AP1G2: variants seen among roughly 807,000 people sequenced by gnomAD.
AP1G2 encodes AP-1 complex subunit gamma-like 2.
In AP1G2, 85 loss-of-function variants were observed where a neutral mutation model predicts 95.8. The observed-to-expected ratio is 0.89, with a 90% CI of 0.74 to 1.06. The LOEUF (loss-of-function observed/expected upper bound fraction) is 1.06. Ranked by LOEUF, AP1G2 falls within the 50% of genes least tolerant of loss-of-function variation. AP1G2 has a pLI of 0.00. For synonymous variants in AP1G2, 378 were observed against 400.0 expected, an observed-to-expected ratio of 0.94 and a Z score of 0.66; for missense variants, 967 against 1,005.8, an observed-to-expected ratio of 0.96 and a Z score of 0.52.
rs1483446577 is a variant in AP1G2, at chr14:23,562,020, C to G, written c.1675G>C (p.Glu559Gln). 9.9e-6 allele frequency: 16 copies of G among 1,613,628 alleles called. No homozygotes were observed. Among genetic ancestry groups the G allele is most frequent in the Non-Finnish European group, 1.4e-5 (16 of 1,179,876 alleles). ...VSIYGSCLDVELQQRAVEYDT... is the reference protein window; with the variant it reads ...VSIYGSCLDVQLQQRAVEYDT... ...TACTCCACAGCCCGCTGCTGCAGCT[C>G]CACGTCCAAGCAGCTCCCGTAGATG... is the stretch of plus-strand genomic sequence containing the variant. Residue 559 changes from glutamate (E) to glutamine (Q), a missense_variant, in exon 17 of 22, where the codon GAG becomes CAG. By Grantham distance (29) the Glu-to-Gln change is conservative (BLOSUM62 2). Transcript: ENST00000397120.
intron 7 of AP1G2, 24 bp downstream of exon 7, chr14:23,565,582 T>C (rs776343712): frequency 6.3e-7 from 1 of 1,576,304 alleles, no homozygotes; most frequent in South Asian, 1.1e-5. Context: ...GATCCAGGGA[T>C]ACAGCAGTGA....
In AP1G2 at chr14:23,559,653, C is replaced by G; in HGVS notation, c.*96G>C. ...CAGTTTTTGCAGTGCAAAGCCAGAG[C>G]GCCACCTGCTGGTAGCCCTCAGGTG... On this transcript the variant is annotated 3_prime_UTR_variant, in exon 22 of 22. Coordinates refer to ENST00000397120, the MANE Select transcript of AP1G2 (RefSeq NM_003917.5). The G allele has an allele frequency of 9.0e-7, 1 of 1,108,066 alleles. No homozygotes were observed. The highest frequency in any genetic ancestry group is 1.3e-6 in the Non-Finnish European group (1 of 742,098). 68.6% of individuals were successfully genotyped at this position (1,108,066 alleles called of 1,614,324 possible). A position where few individuals can be genotyped will look rare whatever the true frequency, so the allele number is the denominator to read the frequency against.
chr14:23,565,138 A>G lies in AP1G2; in HGVS notation c.803T>C (p.Met268Thr). 6.2e-7 allele frequency: 1 copy of G among 1,614,232 alleles called. No individual in the cohort carries two copies. The highest frequency in any genetic ancestry group is 8.5e-7 in the Non-Finnish European group (1 of 1,180,026). Reference sequence around the variant, plus strand: ...CCCCACCTGGGCCAGCAAGTCATTCATGGTCTCACTGCTCTCCTCGTGGTT... The same window carrying G: ...CCCCACCTGGGCCAGCAAGTCATTCGTGGTCTCACTGCTCTCCTCGTGGTT... ...GRNHEESSET[M>T]NDLLAQVATN... is the part of the protein sequence containing the mutation. The change falls in exon 8 of 22, where the codon ATG (methionine) becomes ACG (threonine). Residue 268 changes from methionine (M) to threonine (T), a missense_variant. Physicochemically the swap from Met to Thr is moderately conservative, Grantham distance 81. Transcript: ENST00000397120.
rs377233339 is a variant in AP1G2, at chr14:23,563,518, A to G, written c.1288-16T>C. The G allele has an allele frequency of 6.2e-6, 10 of 1,614,128 alleles. No homozygotes were observed. The African/African-American group carries it at 1.2e-4, about 19-fold the overall frequency. On this transcript the variant is annotated splice_polypyrimidine_tract_variant and intron_variant, in intron 13 of 21. Transcript: ENST00000397120. Reference sequence around the variant, plus strand: ...GGGTGCCCGCCTGGAAGGTGTGGGCATGGCCAAGTCAGTGTGGTGAATCTT... The same window carrying G: ...GGGTGCCCGCCTGGAAGGTGTGGGCGTGGCCAAGTCAGTGTGGTGAATCTT...
rs757884758 is a variant in AP1G2 at position 23,564,389 on chromosome 14, C to T, written c.922-1G>A. 4 of 1,614,128 alleles carry T rather than the reference C, an allele frequency of 2.5e-6. No individual in the cohort carries two copies. The highest frequency in any genetic ancestry group is 3.4e-6 in the Non-Finnish European group (4 of 1,180,022). On this transcript the variant is annotated splice_acceptor_variant, in intron 9 of 21. Transcript: ENST00000397120. LOFTEE classifies it high-confidence loss of function. ...GACCAAGAATGTTGACAGCTAGAAC[C>T]TATGAGAGGCAGAAGTTGGGGTCAG...
In AP1G2 at chr14:23,562,343, C is replaced by T; in HGVS notation, c.1573G>A (p.Gly525Arg). 4.3e-6 allele frequency: 7 copies of T among 1,614,184 alleles called. No homozygotes were observed. Among genetic ancestry groups the T allele is most frequent in the Non-Finnish European group, 5.9e-6 (7 of 1,180,024 alleles). The change falls in exon 16 of 22, where the codon GGA becomes AGA. Residue 525 changes from glycine (G) to arginine (R), a missense_variant. Coordinates refer to ENST00000397120, the MANE Select transcript of AP1G2 (RefSeq NM_003917.5). ...QSHMSLPATR[G>R]YALTALMKLS... ...TTCATGAGGGCTGTGAGGGCATATC[C>T]TCGAGTGGCTGGCAGGGACATGTGG...
Position 23,561,958 on chromosome 14 carries a change from A to G in AP1G2, c.1733+4T>C, listed in dbSNP as rs1249981787. On this transcript the variant is annotated splice_donor_region_variant and intron_variant, in intron 17 of 21. Coordinates refer to ENST00000397120, the MANE Select transcript of AP1G2 (RefSeq NM_003917.5). ...CCCATGCTGCAGCACAGTGCTGGAC[A>G]CACCTCATGTGGTCGTATTTCCGGA... The G allele has an allele frequency of 3.1e-6, 5 of 1,606,218 alleles. No individual in the cohort carries two copies. Among genetic ancestry groups the G allele is most frequent in the African/African-American group, 1.3e-5 (1 of 74,764 alleles).
rs1301240398 is a variant in AP1G2 at position 23,564,567 on chromosome 14, G to C, written c.916C>G (p.Leu306Val). ...AGAGGCATAAGGGGTGATACCCGTA[G>C]GCCAGCTGCAGAGCGGATATCCATG... ...TIMDIRSAAGLRVLAVNILGR... is the reference protein window; with the variant it reads ...TIMDIRSAAGVRVLAVNILGR... The change falls in exon 9 of 22, where the codon CTA becomes GTA. Residue 306 changes from leucine (L) to valine (V), a missense_variant. Physicochemically the swap from Leu to Val is conservative, Grantham distance 32. Transcript: ENST00000397120. 7 of 1,613,220 alleles carry C rather than the reference G, an allele frequency of 4.3e-6. No homozygotes were observed. The highest frequency in any genetic ancestry group is 5.9e-6 in the Non-Finnish European group (7 of 1,179,930).
Position 23,566,700 on chromosome 14 carries a change from G to C in AP1G2, c.205-14C>G, listed in dbSNP as rs1414193164. On this transcript the variant is annotated splice_polypyrimidine_tract_variant and intron_variant, in intron 2 of 21. Transcript: ENST00000397120. The stretch of plus-strand genomic sequence containing the variant: ...CAGGCACTCCATCTATAGTGAAGGG[G>C]GCAGACCAGGAAGAGGCAGGGGTGA... The C allele has an allele frequency of 6.2e-7, 1 of 1,612,858 alleles. No individual in the cohort carries two copies. Among genetic ancestry groups the C allele is most frequent in the South Asian group, 1.1e-5 (1 of 91,074 alleles).
Position 23,563,707 on chromosome 14 carries a change from G to C in AP1G2, c.1232+9C>G. 6.2e-7 allele frequency: 1 copy of C among 1,614,128 alleles called. No homozygotes were observed. The highest frequency in any genetic ancestry group is 1.6e-4 in the Middle Eastern group (1 of 6,062). ...AGATTCTACCCTCTTCGACTCCTGGGCACCTCACCTCTCTGCAGCCAGCAG... is the reference window on the plus strand; with the variant it reads ...AGATTCTACCCTCTTCGACTCCTGGCCACCTCACCTCTCTGCAGCCAGCAG... On this transcript the variant is annotated intron_variant, in intron 12 of 21. Transcript: ENST00000397120.
chr14:23,561,736 T>C, intron 17 of AP1G2, 101 bp from the exon 18 acceptor site: 1 of 1,526,758 alleles, frequency 6.5e-7, no homozygotes, highest in South Asian at 1.2e-5. Context: ...GGGCACATGG[T>C]GGCTCAGAAG....
rs1888393090 is a variant in AP1G2, at chr14:23,567,032, C to T, written c.204+79G>A. On this transcript the variant is annotated intron_variant, in intron 2 of 21. Transcript: ENST00000397120. This position sits in a 1 kb window ranked among gnomAD's most constrained non-coding sequence, Gnocchi z 5.3. ...AATTGTAGAATTTAAAAAACCAGGG[C>T]ATAAACAGGTGAGAGAGTCTGGGAC... 2.8e-6 allele frequency: 4 copies of T among 1,434,518 alleles called. No homozygotes were observed. The highest frequency in any genetic ancestry group is 3.8e-6 in the Non-Finnish European group (4 of 1,059,980). 88.9% of individuals were successfully genotyped at this position (1,434,518 alleles called of 1,614,324 possible).
At position 23,561,634 on chromosome 14, in the gene AP1G2, C is replaced by G; in HGVS notation, c.1735G>C (p.Ala579Pro). ...TLFRKYDHMR[A>P]AILEKMPLVE... ...AGAGGCATTTTTTCCAGGATGGCAG[C>G]CCTGAGAGGATGGAATGCAAGTGTG... Residue 579 changes from alanine to proline, a missense_variant and splice_region_variant, in exon 18 of 22, where the codon GCT (alanine) becomes CCT (proline). Coordinates refer to ENST00000397120, the MANE Select transcript of AP1G2 (RefSeq NM_003917.5). The G allele has an allele frequency of 6.2e-7, 1 of 1,613,696 alleles. No individual in the cohort carries two copies. The highest frequency in any genetic ancestry group is 8.5e-7 in the Non-Finnish European group (1 of 1,179,962).
At position 23,560,281 on chromosome 14, in the gene AP1G2, A is replaced by G. The variant is rs1883569686; in HGVS notation, c.2131T>C (p.Phe711Leu). ...TTGGGCACAGCAGCCTGGCAGATGA[A>G]ATGGGTGACATCACCCTCTGAGAAG... is the stretch of plus-strand genomic sequence containing the variant. ...TNFSEGDVTH[F>L]ICQAAVPKSL... The change falls in exon 20 of 22, where the codon TTC becomes CTC. Residue 711 changes from phenylalanine (F) to leucine (L), a missense_variant. By Grantham distance (22) the Phe-to-Leu change is conservative. Transcript: ENST00000397120. 6.2e-7 allele frequency: 1 copy of G among 1,613,762 alleles called. No homozygotes were observed. The highest frequency in any genetic ancestry group is 8.5e-7 in the Non-Finnish European group (1 of 1,180,038).
At chr14:23,560,961 G>A in intron 19 of AP1G2, 1 of 454,396 alleles carries the variant, frequency 2.2e-6, no homozygotes, top group Non-Finnish European at 3.1e-6. Flanking sequence ...CATTTGATGT[G>A]CTGGGGAAAG....
At chr14:23,561,455 A>G (rs758857485) in intron 18 of AP1G2, 24 bp from the exon 19 acceptor site, 2 of 1,613,728 alleles carry the variant, frequency 1.2e-6, no homozygotes, top group Non-Finnish European at 8.5e-7. Flanking sequence ...CAGAAGGGGC[A>G]GGGCTGGGTA....
chr14:23,567,132 G>C lies in AP1G2; in HGVS notation c.183C>G (p.Gly61=). 1 of 1,611,372 alleles carries C rather than the reference G, an allele frequency of 6.2e-7. No homozygotes were observed. The highest frequency in any genetic ancestry group is 1.1e-5 in the South Asian group (1 of 90,826). The change falls in exon 2 of 22, where the codon GGC becomes GGG. Residue 61 remains glycine (G), a synonymous_variant. Transcript: ENST00000397120. The surrounding 1 kb of genome is among the most constrained non-coding windows in gnomAD (Gnocchi z 5.3). Reference sequence around the variant, plus strand: ...GTACCTGTCCAAAGTGGGCGGGGTAGCCCAACATGTGGACGTAGAGCAGTT... The same window carrying C: ...GTACCTGTCCAAAGTGGGCGGGGTACCCCAACATGTGGACGTAGAGCAGTT... The part of the protein sequence containing the change: ...LAKLLYVHML[G]YPAHFGQMEC...
chr14:23,564,375 T>C lies in AP1G2; in HGVS notation c.935A>G (p.Asn312Ser). ...SAAGLRVLAV[N>S]ILGRFLLNSD... ...GTTGAGTAGGAAGCGACCAAGAATG[T>C]TGACAGCTAGAACCTATGAGAGGCA... Residue 312 changes from asparagine (N) to serine (S), a missense_variant, in exon 10 of 22, where the codon AAC becomes AGC. Asn to Ser is a conservative substitution (Grantham distance 46). Transcript: ENST00000397120. 2.5e-6 allele frequency: 4 copies of C among 1,614,148 alleles called. No homozygotes were observed. Among genetic ancestry groups the C allele is most frequent in the Non-Finnish European group, 3.4e-6 (4 of 1,180,040 alleles).
intron 20 of AP1G2, 57 bp from the exon 21 acceptor site, chr14:23,560,093 C>A: frequency 1.4e-6 from 2 of 1,412,366 alleles, no homozygotes; most frequent in South Asian, 2.4e-5. Flanking sequence ...TCAGGCAGCC[C>A]CTCTATACTC....
Sources: allele counts gnomAD v4.1 joint callset, GRCh38; gene constraint gnomAD v4.1.1; non-coding constraint Gnocchi (gnomAD v3.1); transcripts MANE v1.5; gene names NCBI Gene and HGNC (gene_info 2026-07-23, HGNC 2026-07-21).